The following FBLN7 variants were observed in gnomAD, a reference collection of about 807,000 sequenced individuals.
FBLN7 encodes fibulin 7.
FBLN7 carries 31 observed loss-of-function variants against 44.0 expected under a neutral mutation model. That is an observed-to-expected ratio of 0.70 (90% CI 0.53 to 0.95). The LOEUF is 0.95. FBLN7 is among the 40% of genes least tolerant of loss of function. The pLI is 0.00. For missense variants in FBLN7, 573 were observed against 618.5 expected (o/e 0.93, Z 0.78); for synonymous variants, 262 against 253.4 (o/e 1.03, Z -0.32).
chr2:112,148,435 G>C (rs187363187), intron 1 of FBLN7, among the ~76,000 whole-genome samples: 19 of 152,362 alleles, frequency 1.2e-4, no homozygotes, highest in African/African-American at 4.6e-4. Context: ...TATCTAAAAT[G>C]AGGTATTTCA....
At chr2:112,196,876 G>A in the FBLN7 span, among the ~76,000 whole-genome samples, 4 of 152,232 alleles carry the variant, frequency 2.6e-5, no homozygotes, top group East Asian at 1.9e-4. Flanking sequence ...CAATCATAGC[G>A]GAAGGCAAAG....
the FBLN7 span, chr2:112,234,326 G>C: frequency 9.9e-7 from 1 of 1,008,702 alleles, no homozygotes; most frequent in Non-Finnish European, 1.4e-6. Flanking sequence ...ACCAACTTCA[G>C]AGCCTTAAAG....
At position 112,181,820 on chromosome 2, in the gene FBLN7, GCAGCTGC is replaced by G; in HGVS notation, c.615_621del (p.Cys205TrpfsTer7). 1 of 1,520,064 alleles carries G rather than the reference GCAGCTGC, an allele frequency of 6.6e-7. No individual in the cohort carries two copies. Among genetic ancestry groups the G allele is most frequent in the Non-Finnish European group, 8.8e-7 (1 of 1,140,316 alleles). The allele number at this position is 1,520,064 out of a possible 1,614,324, so 94.2% of individuals were successfully genotyped here. A position where few individuals can be genotyped will look rare whatever the true frequency, so the allele number is the denominator to read the frequency against. On this transcript the variant is annotated frameshift_variant, in exon 5 of 8. Coordinates refer to ENST00000331203, the MANE Select transcript of FBLN7 (RefSeq NM_153214.3). LOFTEE classifies it high-confidence loss of function. ...GCGCAGGTGGAGCGGGCTCAGCACT[GCAGCTGC>G]GAGGCCGGATTCCACCTGAGCGGCG...
At chr2:112,179,488 ATTACT>A (rs141980655) in intron 4 of FBLN7, among the ~76,000 whole-genome samples, 3,594 of 152,270 alleles carry the variant, frequency 0.024, 129 homozygotes, top group African/African-American at 0.081. Context: ...CTAGAAAAAA[ATTACT>A]TTAACATGCA....
In FBLN7 at chr2:112,181,840, C is replaced by A; in HGVS notation, c.634C>A (p.His212Asn). The A allele has an allele frequency of 3.9e-6, 6 of 1,525,770 alleles. No individual in the cohort carries two copies. Among genetic ancestry groups the A allele is most frequent in the Non-Finnish European group, 5.3e-6 (6 of 1,142,314 alleles). 94.5% of individuals were successfully genotyped at this position (1,525,770 alleles called of 1,614,324 possible). The change falls in exon 5 of 8, where the codon CAC (histidine) becomes AAC (asparagine). Residue 212 changes from histidine to asparagine, a missense_variant. Physicochemically the swap from His to Asn is moderately conservative, Grantham distance 68. Transcript: ENST00000331203. ...AQHCSCEAGF[H>N]LSGAAGDSVC... ...GCACTGCAGCTGCGAGGCCGGATTC[C>A]ACCTGAGCGGCGCCGCCGGCGACAG...
At position 112,182,833 on chromosome 2, in the gene FBLN7, G is replaced by A. The variant is rs568501949; in HGVS notation, c.713G>A (p.Arg238Gln). The A allele has an allele frequency of 1.7e-5, 28 of 1,611,498 alleles. No homozygotes were observed. Among genetic ancestry groups the A allele is most frequent in the Non-Finnish European group, 2.1e-5 (25 of 1,179,218 alleles). ...CTCTACGGGCAGGAGGGGCGCCCCCGGCTCTGCATGCACGCCTGCGTGAAC... is the reference window on the plus strand; with the variant it reads ...CTCTACGGGCAGGAGGGGCGCCCCCAGCTCTGCATGCACGCCTGCGTGAAC... ...CELYGQEGRP[R>Q]LCMHACVNTP... Residue 238 changes from arginine to glutamine, a missense_variant, in exon 6 of 8, where the codon CGG becomes CAG. Coordinates refer to ENST00000331203, the MANE Select transcript of FBLN7 (RefSeq NM_153214.3).
At chr2:112,166,024 A>AG (rs112405173) in intron 3 of FBLN7, among the ~76,000 whole-genome samples, 11,139 of 152,264 alleles carry the variant, frequency 0.073, 603 homozygotes, top group African/African-American at 0.15. Flanking sequence ...AAGATTGCAA[A>AG]AGCAGAGTAG....
chr2:112,175,809 G>T lies in FBLN7; in HGVS notation c.502G>T (p.Gly168Trp). The T allele has an allele frequency of 6.2e-7, 1 of 1,614,168 alleles. No individual in the cohort carries two copies. The change falls in exon 4 of 8, where the codon GGG becomes TGG. Residue 168 changes from glycine to tryptophan, a missense_variant. Gly to Trp is a radical substitution (Grantham distance 184, BLOSUM62 -2). Coordinates refer to ENST00000331203, the MANE Select transcript of FBLN7 (RefSeq NM_153214.3). ...YRCICPPGRT[G>W]NRCQHQAQTA... ...ATGCATTTGTCCTCCAGGAAGGACT[G>T]GGAACCGCTGTCAGCATCAGGCCCA...
At chr2:112,236,703 CA>C in the FBLN7 span, 2 of 1,594,080 alleles carry the variant, frequency 1.3e-6, no homozygotes, top group African/African-American at 1.4e-5. Context: ...CAGCTAAAAA[CA>C]AAAAATTAAT....
chr2:112,220,210 T>C, the FBLN7 span, among the ~76,000 whole-genome samples: 2 of 152,212 alleles, frequency 1.3e-5, no homozygotes, highest in African/African-American at 4.8e-5. Context: ...CTGGTTATTA[T>C]GCAGACATGT....
chr2:112,240,952 A>AGTGTGTGTGTGTGTGT, the FBLN7 span, among the ~76,000 whole-genome samples: 5 of 142,714 alleles, frequency 3.5e-5, no homozygotes, highest in Non-Finnish European at 4.6e-5. Context: ...TACAGGTAAC[A>AGTGTGTGTGTGTGTGT]GTGTGTGTGT....
chr2:112,160,766 ACACGCAGACGCACACG>A (rs1186405906), intron 2 of FBLN7, among the ~76,000 whole-genome samples: 14 of 35,436 alleles, frequency 4.0e-4, no homozygotes, highest in African/African-American at 3.0e-4. Context: ...ACACGCACGC[ACACGCAGACGCACACG>A]CACGCACACG....
At chr2:112,156,118 C>A (rs1321649568) in intron 1 of FBLN7, among the ~76,000 whole-genome samples, 1 of 152,230 alleles carries the variant, frequency 6.6e-6, no homozygotes, top group Non-Finnish European at 1.5e-5. Context: ...CCCCCGCTGC[C>A]CAGGTGCCCA....
the FBLN7 span, among the ~76,000 whole-genome samples, chr2:112,198,807 G>A: frequency 1.3e-5 from 2 of 152,264 alleles, no homozygotes; most frequent in African/African-American, 2.4e-5. Flanking sequence ...CCAGAACTGT[G>A]AGAAATAAAT....
intron 1 of FBLN7, among the ~76,000 whole-genome samples, chr2:112,154,815 G>A (rs1370216656): frequency 1.3e-5 from 2 of 152,172 alleles, no homozygotes; most frequent in East Asian, 1.9e-4. Context: ...GTGGCTGTGG[G>A]CAAGGAGCCC....
Position 112,175,743 on chromosome 2 carries a change from C to T in FBLN7, c.436C>T (p.Gln146Ter). Residue 146 changes from glutamine to a stop codon, truncating the protein, a stop_gained, in exon 4 of 8, where the codon CAA becomes TAA. Coordinates refer to ENST00000331203, the MANE Select transcript of FBLN7 (RefSeq NM_153214.3). LOFTEE classifies it high-confidence loss of function. ...CAGTGAATGCTCCAGCCAGCCTTGT[C>T]AAAATGGTGGTACATGTGTAGAAGG... Reference protein sequence around the residue: ...GISECSSQPCQNGGTCVEGVN... With the variant: ...GISECSSQPC The T allele has an allele frequency of 6.2e-7, 1 of 1,614,196 alleles. No individual in the cohort carries two copies. The highest frequency in any genetic ancestry group is 8.5e-7 in the Non-Finnish European group (1 of 1,180,030).
intron 1 of FBLN7, among the ~76,000 whole-genome samples, chr2:112,157,094 G>T (rs1226077984): frequency 6.6e-6 from 1 of 152,210 alleles, no homozygotes; most frequent in Non-Finnish European, 1.5e-5. Flanking sequence ...TTAAGACTGG[G>T]TGCGGTGGCT....
chr2:112,160,792 G>C lies in FBLN7; in HGVS notation c.235+957G>C, dbSNP rs548951273. On this transcript the variant is annotated intron_variant, in intron 2 of 7. Coordinates refer to ENST00000331203, the MANE Select transcript of FBLN7 (RefSeq NM_153214.3). ...CACGCAGACGCACACGCACGCACACGCACACACGCACGCACACACACGCAC... is the reference window on the plus strand; with the variant it reads ...CACGCAGACGCACACGCACGCACACCCACACACGCACGCACACACACGCAC... Among the ~76,000 whole-genome samples the C allele has an allele frequency of 7.2e-3, 945 of 131,994 alleles. 23 individuals are homozygous for C. The highest frequency in any genetic ancestry group is 0.026 in the African/African-American group (886 of 33,930). The allele number at this position is 131,994 out of a possible 152,430, so 86.6% of individuals were successfully genotyped here.
chr2:112,202,241 A>G, the FBLN7 span, among the ~76,000 whole-genome samples: 1 of 152,282 alleles, frequency 6.6e-6, no homozygotes, highest in East Asian at 1.9e-4. Flanking sequence ...TTACTGTCTC[A>G]TTCCTCTGAG....
Sources: gnomAD v4.1 joint callset for allele counts (sites outside exome capture counted in the v4.1 genomes callset) on GRCh38, gnomAD v4.1.1 for gene constraint, MANE v1.5 for transcripts, NCBI Gene and HGNC (gene_info 2026-07-23, HGNC 2026-07-21) for gene names.